EPHB1: variants seen among roughly 807,000 people sequenced by gnomAD.
EPHB1 encodes EPH receptor B1.
EPHB1 carries 30 observed loss-of-function variants against 94.4 expected under a neutral mutation model. That is an observed-to-expected ratio of 0.32 (90% CI 0.24 to 0.43). The LOEUF (loss-of-function observed/expected upper bound fraction) is 0.43, where lower values mean the gene tolerates loss of function less well. Ranked by LOEUF, EPHB1 falls within the 20% of genes least tolerant of loss-of-function variation. The pLI is 1.00. For missense variants in EPHB1, 1,055 were observed against 1,308.3 expected (o/e 0.81, Z 2.99); for synonymous variants, 522 against 489.1 (o/e 1.07, Z -0.89).
chr3:134,852,715 GATAC>G (rs2037017476), intron 1 of EPHB1: 1 of 152,016 alleles, frequency 6.6e-6, no homozygotes, highest in Admixed American at 6.6e-5. Flanking sequence ...AAGAGAGAAA[GATAC>G]ATACATACTT....
At chr3:135,146,178 T>C in intron 5 of EPHB1, among the ~76,000 whole-genome samples, 1 of 152,020 alleles carries the variant, frequency 6.6e-6, no homozygotes, top group East Asian at 1.9e-4. Flanking sequence ...GGATAAGCAG[T>C]GTGGGGCAGT....
At chr3:134,973,486 C>T (rs1057030743) in intron 3 of EPHB1, among the ~76,000 whole-genome samples, 4 of 129,092 alleles carry the variant, frequency 3.1e-5, no homozygotes, top group African/African-American at 1.2e-4. Context: ...GGCTGGAGTG[C>T]AGTGGCATGA....
chr3:135,070,081 C>A (rs1386695049), intron 3 of EPHB1, among the ~76,000 whole-genome samples: 4 of 152,162 alleles, frequency 2.6e-5, no homozygotes, highest in Admixed American at 2.6e-4. Context: ...AAATTGAATT[C>A]TTTCCATTTC....
rs1281497130 is a variant in EPHB1, at chr3:134,951,652, C to T, written c.405C>T (p.Leu135=). ...CCTTCTGGTCTGAGGCCCCCTACCT[C>T]AAAGTAGACACCATTGCTGCAGATG... The part of the protein sequence containing the change: ...KSAFWSEAPY[L]KVDTIAADES... Residue 135 remains leucine (L), a synonymous_variant, in exon 3 of 16, where the codon CTC becomes CTT. Transcript: ENST00000398015. This position sits in a 1 kb window ranked among gnomAD's most constrained non-coding sequence, Gnocchi z 4.5. 6.2e-7 allele frequency: 1 copy of T among 1,614,050 alleles called. No homozygotes were observed. The highest frequency in any genetic ancestry group is 8.5e-7 in the Non-Finnish European group (1 of 1,179,982).
At chr3:134,947,228 C>A (rs1412259100) in intron 2 of EPHB1, among the ~76,000 whole-genome samples, 1 of 152,062 alleles carries the variant, frequency 6.6e-6, no homozygotes, top group African/African-American at 2.4e-5. Flanking sequence ...AGACTGATTC[C>A]AAATATTGTA....
chr3:135,114,479 AT>A (rs1327700717), intron 4 of EPHB1, among the ~76,000 whole-genome samples: 1 of 147,452 alleles, frequency 6.8e-6, no homozygotes, highest in East Asian at 2.0e-4. Flanking sequence ...AGGCAGGCAA[AT>A]CATGAGGTCA....
In EPHB1 at chr3:134,998,917, C is replaced by T. The variant is rs75244121; in HGVS notation, c.805+46865C>T. 4.7e-4 allele frequency among the ~76,000 whole-genome samples: 72 copies of T among 152,088 alleles called. No individual in the cohort carries two copies. The East Asian group carries it at 0.012, about 26-fold the overall frequency. On this transcript the variant is annotated intron_variant, in intron 3 of 15. Coordinates refer to ENST00000398015, the MANE Select transcript of EPHB1 (RefSeq NM_004441.5). ...CACTGGGCTTTGAGGGACATGATGGCGACAGGAGGAAGAAGATAAGCCAGG... is the reference window on the plus strand; with the variant it reads ...CACTGGGCTTTGAGGGACATGATGGTGACAGGAGGAAGAAGATAAGCCAGG...
intron 3 of EPHB1, among the ~76,000 whole-genome samples, chr3:135,052,276 T>A (rs1301875893): frequency 6.6e-6 from 1 of 152,220 alleles, no homozygotes; most frequent in Non-Finnish European, 1.5e-5. Flanking sequence ...GTGTGTCGAT[T>A]GAATATTTTG....
intron 9 of EPHB1, among the ~76,000 whole-genome samples, chr3:135,172,411 T>A (rs1941830201): frequency 6.6e-6 from 1 of 152,174 alleles, no homozygotes; most frequent in Non-Finnish European, 1.5e-5. Context: ...CAGGGAGGTG[T>A]GAGTTCTCTG....
chr3:135,177,506 G>A (rs1942016009), intron 9 of EPHB1, among the ~76,000 whole-genome samples: 1 of 151,942 alleles, frequency 6.6e-6, no homozygotes, highest in Non-Finnish European at 1.5e-5. Flanking sequence ...CAGCTCCCTT[G>A]ACCCCAGAGT....
chr3:134,898,590 G>A (rs1391039322), intron 1 of EPHB1, among the ~76,000 whole-genome samples: 7 of 152,132 alleles, frequency 4.6e-5, no homozygotes, highest in East Asian at 1.9e-4. Flanking sequence ...ACAGGGCTTC[G>A]GCACAATCTG....
At chr3:134,899,611 C>T (rs2038158132) in intron 1 of EPHB1, among the ~76,000 whole-genome samples, 1 of 152,178 alleles carries the variant, frequency 6.6e-6, no homozygotes. Flanking sequence ...TCCTTATTTT[C>T]AACCACTCAA....
chr3:135,032,299 G>A (rs1178390495), intron 3 of EPHB1, among the ~76,000 whole-genome samples: 1 of 142,002 alleles, frequency 7.0e-6, no homozygotes, highest in Non-Finnish European at 1.5e-5. Context: ...CTTTTTTTAG[G>A]TCATTTCTCC....
chr3:134,911,969 A>G (rs2038464903), intron 1 of EPHB1, among the ~76,000 whole-genome samples: 1 of 152,222 alleles, frequency 6.6e-6, no homozygotes, highest in Admixed American at 6.5e-5. Flanking sequence ...CCATCTGAGA[A>G]TTACTGTGCC....
chr3:135,005,786 C>T (rs575732278), intron 3 of EPHB1, among the ~76,000 whole-genome samples: 116 of 152,364 alleles, frequency 7.6e-4, no homozygotes, highest in South Asian at 1.4e-3. Flanking sequence ...TTGTGCTTCC[C>T]GAGTGAGGCA....
intron 4 of EPHB1, among the ~76,000 whole-genome samples, chr3:135,114,389 G>C (rs1939588683): frequency 2.6e-5 from 4 of 151,670 alleles, no homozygotes; most frequent in Admixed American, 2.6e-4. Flanking sequence ...TCACTGCACT[G>C]TTGTGGGAAT....
At chr3:135,002,851 TTTTC>T (rs1935234850) in intron 3 of EPHB1, among the ~76,000 whole-genome samples, 1 of 151,856 alleles carries the variant, frequency 6.6e-6, no homozygotes. Context: ...TTCTCTCTTT[TTTTC>T]TTTATTAGTC....
intron 3 of EPHB1, among the ~76,000 whole-genome samples, chr3:135,095,068 C>T (rs1024891404): frequency 6.6e-6 from 1 of 152,190 alleles, no homozygotes; most frequent in African/African-American, 2.4e-5. Context: ...CTGAGTGAGA[C>T]TCTCACCTTC....
intron 12 of EPHB1, among the ~76,000 whole-genome samples, chr3:135,236,394 T>C (rs1017606444): frequency 3.9e-5 from 6 of 152,180 alleles, no homozygotes; most frequent in Non-Finnish European, 5.9e-5. Context: ...AACTTGATTA[T>C]ATTTGCAAAG....
Sources: allele counts gnomAD v4.1 joint callset (sites outside exome capture counted in the v4.1 genomes callset), GRCh38; gene constraint gnomAD v4.1.1; non-coding constraint Gnocchi (gnomAD v3.1); transcripts MANE v1.5; gene names NCBI Gene and HGNC (gene_info 2026-07-23, HGNC 2026-07-21).